The following DPP8 variants were observed in gnomAD, a reference collection of about 807,000 sequenced individuals.
DPP8 encodes the protein dipeptidyl peptidase 8, also known as DPP VIII.
A neutral mutation model predicts 107.5 loss-of-function variants in DPP8; 31 were observed. The ratio of observed to expected loss-of-function variants is 0.29; its 90% confidence interval spans 0.22 to 0.39. DPP8 has a LOEUF of 0.39. DPP8 is among the 10% of genes least tolerant of loss of function. The pLI is 1.00. For synonymous variants in DPP8, 381 were observed against 356.6 expected (o/e 1.07, Z -0.77); for missense variants, 842 against 1,076.1 (o/e 0.78, Z 3.04).
intron 3 of DPP8, among the ~76,000 whole-genome samples, chr15:65,505,088 G>T (rs1284292251): frequency 6.6e-6 from 1 of 152,150 alleles, no homozygotes; most frequent in Non-Finnish European, 1.5e-5. Context: ...GGGCGCGGTG[G>T]CTCACACCTG....
chr15:65,453,681 G>A (rs545413929), intron 17 of DPP8, among the ~76,000 whole-genome samples: 23 of 152,166 alleles, frequency 1.5e-4, no homozygotes, highest in Non-Finnish European at 3.2e-4. Context: ...TTGCGTCACT[G>A]CACTCCAGCC....
At chr15:65,462,290 G>A (rs970363875) in intron 15 of DPP8, among the ~76,000 whole-genome samples, 4 of 152,112 alleles carry the variant, frequency 2.6e-5, no homozygotes, top group African/African-American at 2.4e-5. Context: ...GACTTGTGTA[G>A]ATGAAAATAC....
intron 11 of DPP8, among the ~76,000 whole-genome samples, chr15:65,476,162 G>A (rs1303018864): frequency 6.6e-6 from 1 of 152,138 alleles, no homozygotes; most frequent in African/African-American, 2.4e-5. Context: ...ATCTATTGCT[G>A]TGGGGAGTGA....
chr15:65,472,851 G>A (rs2066018565), intron 12 of DPP8, among the ~76,000 whole-genome samples: 1 of 151,984 alleles, frequency 6.6e-6, no homozygotes, highest in East Asian at 1.9e-4. Context: ...ACCAGCCTGG[G>A]CAACATGGCG....
intron 5 of DPP8, among the ~76,000 whole-genome samples, chr15:65,491,043 A>C (rs2067976988): frequency 6.6e-6 from 1 of 151,644 alleles, no homozygotes; most frequent in East Asian, 1.9e-4. Context: ...CTGTACTCTC[A>C]GCTACTCAGG....
At chr15:65,504,700 T>C (rs1369629556) in intron 3 of DPP8, among the ~76,000 whole-genome samples, 3 of 142,442 alleles carry the variant, frequency 2.1e-5, no homozygotes, top group South Asian at 2.2e-4. Flanking sequence ...TGGTAGAACA[T>C]GCTGGGTGGG....
Position 65,467,127 on chromosome 15 carries a change from C to T in DPP8, c.1633G>A (p.Gly545Arg), listed in dbSNP as rs1272179746. The change falls in exon 13 of 20, where the codon GGA becomes AGA. Residue 545 changes from glycine (G) to arginine (R), a missense_variant. Coordinates refer to ENST00000300141, the MANE Select transcript of DPP8 (RefSeq NM_130434.5). ...CGGTCAGTCAGCCTTGTCACCTCTC[C>T]AGGATTTACGTAACTGACTACGTAC... ...HLYVVSYVNP[G>R]EVTRLTDRGY... 6.2e-7 allele frequency: 1 copy of T among 1,614,164 alleles called. No individual in the cohort carries two copies. Among genetic ancestry groups the T allele is most frequent in the Admixed American group, 1.7e-5 (1 of 60,004 alleles).
chr15:65,472,996 C>T (rs1489619134), intron 12 of DPP8, among the ~76,000 whole-genome samples: 2 of 151,916 alleles, frequency 1.3e-5, no homozygotes, highest in Non-Finnish European at 2.9e-5. Context: ...CAAGATTGTG[C>T]CACTGCAATC....
intron 7 of DPP8, among the ~76,000 whole-genome samples, chr15:65,485,544 CAAAAAAA>C (rs56940292): frequency 3.3e-5 from 2 of 61,282 alleles, no homozygotes; most frequent in Admixed American, 2.0e-4. Flanking sequence ...GACTCCATCT[CAAAAAAA>C]AAAAAAAAAA....
chr15:65,486,093 CA>C (rs1210589966), intron 7 of DPP8, among the ~76,000 whole-genome samples: 41 of 91,450 alleles, frequency 4.5e-4, no homozygotes, highest in East Asian at 1.1e-3. Context: ...GACTCTGTCT[CA>C]AAAAAAAAAA....
chr15:65,466,030 G>A (rs1056862996), intron 14 of DPP8, among the ~76,000 whole-genome samples: 1 of 152,256 alleles, frequency 6.6e-6, no homozygotes, highest in Middle Eastern at 3.4e-3. Context: ...TGCTCAAAGA[G>A]TCTTACTAGT....
chr15:65,490,445 T>C (rs1596034515), intron 5 of DPP8, 146 bp from the exon 6 acceptor site: 4 of 656,540 alleles, frequency 6.1e-6, no homozygotes, highest in South Asian at 3.5e-5. Flanking sequence ...CTGGGGTCCA[T>C]AATGTCTGAC....
chr15:65,478,056 G>A (rs928020296), intron 11 of DPP8, among the ~76,000 whole-genome samples: 2 of 151,892 alleles, frequency 1.3e-5, no homozygotes, highest in Non-Finnish European at 2.9e-5. Flanking sequence ...TTTTCCAGAA[G>A]GAAAACCACC....
intron 3 of DPP8, among the ~76,000 whole-genome samples, chr15:65,505,388 T>TG (rs2069837407): frequency 6.6e-6 from 1 of 150,994 alleles, no homozygotes; most frequent in Non-Finnish European, 1.5e-5. Flanking sequence ...CAGTAGGCTG[T>TG]GGGGGGTTGT....
chr15:65,475,078 A>G (rs1034096335), intron 11 of DPP8, among the ~76,000 whole-genome samples: 5 of 151,996 alleles, frequency 3.3e-5, no homozygotes, highest in African/African-American at 1.2e-4. Context: ...TTCCCAAGAC[A>G]TTTTCAGATT....
chr15:65,463,048 T>C (rs2065050514), intron 15 of DPP8, among the ~76,000 whole-genome samples: 1 of 152,238 alleles, frequency 6.6e-6, no homozygotes, highest in African/African-American at 2.4e-5. Context: ...GACACAGCTT[T>C]AGAATGAAGA....
chr15:65,487,100 CTTA>C (rs1254563220), intron 7 of DPP8, among the ~76,000 whole-genome samples: 3 of 151,474 alleles, frequency 2.0e-5, no homozygotes, highest in South Asian at 4.2e-4. Context: ...AAAAAAATCA[CTTA>C]TTATGAAAAA....
intron 5 of DPP8, among the ~76,000 whole-genome samples, chr15:65,492,067 C>G (rs1160517401): frequency 4.0e-5 from 6 of 149,158 alleles, no homozygotes; most frequent in Non-Finnish European, 7.4e-5. Flanking sequence ...GTGGGCCAGG[C>G]GCAGTGGCTC....
At chr15:65,467,012 T>C (rs991422065) in intron 13 of DPP8, 59 bp downstream of exon 13, 9 of 1,589,316 alleles carry the variant, frequency 5.7e-6, no homozygotes, top group Non-Finnish European at 6.9e-6. Flanking sequence ...TCAAAAGGAG[T>C]ATTACATAAG....
Sources: gnomAD v4.1 joint callset for allele counts (sites outside exome capture counted in the v4.1 genomes callset) on GRCh38, gnomAD v4.1.1 for gene constraint, MANE v1.5 for transcripts, NCBI Gene and HGNC (gene_info 2026-07-23, HGNC 2026-07-21) for gene names.